VSTM5: variants seen among roughly 807,000 people sequenced by gnomAD.
VSTM5 encodes V-set and transmembrane domain-containing protein 5.
VSTM5 carries 21 observed loss-of-function variants against 20.3 expected under a neutral mutation model. The ratio of observed to expected loss-of-function variants is 1.03; its 90% CI spans 0.73 to 1.49. The LOEUF (loss-of-function observed/expected upper bound fraction) is 1.49. Among genes scored for constraint, VSTM5 ranks in the 40% most tolerant of loss-of-function variants. The pLI, the probability that VSTM5 is intolerant of heterozygous loss-of-function variation, is 0.00. For synonymous variants in VSTM5, 100 were observed against 102.5 expected (o/e 0.98, Z 0.14); for missense variants, 219 against 250.0 (o/e 0.88, Z 0.84).
At position 93,820,745 on chromosome 11, in the gene VSTM5, T is replaced by C. The variant is rs1944174359; in HGVS notation, c.557A>G (p.Lys186Arg). 4 of 1,551,716 alleles carry C rather than the reference T, an allele frequency of 2.6e-6. No homozygotes were observed. The South Asian group carries it at 3.6e-5, about 14-fold the overall frequency. The change falls in exon 3 of 4, where the codon AAA (lysine) becomes AGA (arginine). Residue 186 changes from lysine to arginine, a missense_variant and splice_region_variant. Lys to Arg is a conservative substitution (Grantham distance 26). Transcript: ENST00000409977. The part of the protein sequence containing the change: ...KFQRKRRHKL[K>R]ESTTEEIELE... ...TATCACAAGGCCCAGGGGGTTACCT[T>C]TGAGTTTGTGTCTTCTCTTCCTCTG... is the stretch of plus-strand genomic sequence containing the variant.
chr11:93,850,383 C>T, intron 1 of VSTM5, 29 bp downstream of exon 1: 1 of 1,543,946 alleles, frequency 6.5e-7, no homozygotes, highest in Non-Finnish European at 8.7e-7. Context: ...CCCGCTCCCC[C>T]AGCACCCGGG....
chr11:93,847,197 G>T (rs1326465600), intron 1 of VSTM5, among the ~76,000 whole-genome samples: 3 of 152,214 alleles, frequency 2.0e-5, no homozygotes, highest in Admixed American at 2.0e-4. Context: ...ATGTGTCTCT[G>T]TTTGATCAGG....
In VSTM5 at chr11:93,843,234, C is replaced by A. The variant is rs139884968; in HGVS notation, c.91+7178G>T. Reference sequence around the variant, plus strand: ...ATCATTTCCTCCAGGAAGCCTTCCCCAATCCCTAGCACCAGGTTAAGGGTC... The same window carrying A: ...ATCATTTCCTCCAGGAAGCCTTCCCAAATCCCTAGCACCAGGTTAAGGGTC... On this transcript the variant is annotated intron_variant, in intron 1 of 3. Coordinates refer to ENST00000409977, the MANE Select transcript of VSTM5 (RefSeq NM_001144871.2). 4.0e-3 allele frequency among the ~76,000 whole-genome samples: 614 copies of A among 152,280 alleles called. 5 individuals are homozygous for A. The highest frequency in any genetic ancestry group is 0.014 in the African/African-American group (590 of 41,550).
intron 1 of VSTM5, among the ~76,000 whole-genome samples, chr11:93,835,948 AAAG>A (rs140602832): frequency 0.016 from 2,395 of 152,314 alleles, 54 homozygotes; most frequent in African/African-American, 0.053. Flanking sequence ...AGCAAAAACT[AAAG>A]AAGCAAATTA....
intron 1 of VSTM5, among the ~76,000 whole-genome samples, chr11:93,846,269 G>A (rs1231146543): frequency 1.3e-5 from 2 of 152,146 alleles, no homozygotes; most frequent in Non-Finnish European, 2.9e-5. Context: ...TTAGGTCCTG[G>A]GGATAATGGA....
intron 1 of VSTM5, among the ~76,000 whole-genome samples, chr11:93,839,979 A>G (rs990105952): frequency 6.6e-6 from 1 of 152,150 alleles, no homozygotes; most frequent in Middle Eastern, 3.2e-3. Flanking sequence ...GAAGGCAGAG[A>G]TCAGAGGATG....
intron 1 of VSTM5, among the ~76,000 whole-genome samples, chr11:93,844,026 G>A (rs1046857307): frequency 1.3e-5 from 2 of 152,108 alleles, no homozygotes; most frequent in East Asian, 1.9e-4. Flanking sequence ...TTCCACTCAC[G>A]TTAGATGACT....
At chr11:93,839,947 G>A (rs772663767) in intron 1 of VSTM5, among the ~76,000 whole-genome samples, 4 of 152,164 alleles carry the variant, frequency 2.6e-5, no homozygotes, top group African/African-American at 4.8e-5. Context: ...ACATGCACGT[G>A]GAGTGAGTGC....
At chr11:93,825,360 G>T (rs1944223977) in intron 1 of VSTM5, among the ~76,000 whole-genome samples, 1 of 152,136 alleles carries the variant, frequency 6.6e-6, no homozygotes, top group Non-Finnish European at 1.5e-5. Flanking sequence ...TGTAGACACA[G>T]GTTTTCACCA....
intron 1 of VSTM5, among the ~76,000 whole-genome samples, chr11:93,826,245 A>T (rs1944237115): frequency 6.6e-6 from 1 of 152,094 alleles, no homozygotes; most frequent in Admixed American, 6.5e-5. Context: ...GTCTCTAAAA[A>T]ATTTAAAAAT....
At chr11:93,843,636 C>A (rs1944389237) in intron 1 of VSTM5, among the ~76,000 whole-genome samples, 1 of 152,150 alleles carries the variant, frequency 6.6e-6, no homozygotes, top group Admixed American at 6.5e-5. Context: ...TAAGCAGTCA[C>A]AGTTATTATT....
At chr11:93,820,674 A>C (rs1565298225) in intron 3 of VSTM5, 62 bp from the exon 4 acceptor site, 2 of 1,551,640 alleles carry the variant, frequency 1.3e-6, no homozygotes, top group East Asian at 2.4e-5. Flanking sequence ...TCTTCGTGAG[A>C]ACAAGATAAC....
Position 93,850,470 on chromosome 11 carries a change from G to T in VSTM5, c.33C>A (p.Thr11=), listed in dbSNP as rs1944450334. ...CGAAGAGTCCTAGGGAGATGCCTCG[G>T]GTCTTCCTCCTCCCGCTGGGCAGAG... MRPLPSGRRK[T]RGISLGLFAL... Residue 11 remains threonine, a synonymous_variant, in exon 1 of 4, where the codon ACC becomes ACA. Coordinates refer to ENST00000409977, the MANE Select transcript of VSTM5 (RefSeq NM_001144871.2). 1 of 1,549,858 alleles carries T rather than the reference G, an allele frequency of 6.5e-7. No homozygotes were observed. Among genetic ancestry groups the T allele is most frequent in the East Asian group, 2.4e-5 (1 of 40,848 alleles).
rs540092385 is a variant in VSTM5, at chr11:93,826,601, G to A, written c.92-5278C>T. Among the ~76,000 whole-genome samples, 8 of 151,804 alleles carry A rather than the reference G, an allele frequency of 5.3e-5. No homozygotes were observed. The East Asian group carries it at 5.9e-4, about 11-fold the overall frequency. On this transcript the variant is annotated intron_variant, in intron 1 of 3. Coordinates refer to ENST00000409977, the MANE Select transcript of VSTM5 (RefSeq NM_001144871.2). ...TTTTTAGTAGAGACGGGGTTTCACC[G>A]TGTTAGCCAGGATGGTCTCGATCTC...
intron 1 of VSTM5, among the ~76,000 whole-genome samples, chr11:93,839,028 C>G (rs1361751564): frequency 6.6e-6 from 1 of 152,224 alleles, no homozygotes; most frequent in Non-Finnish European, 1.5e-5. Flanking sequence ...ATTCAGCTGC[C>G]CAGCCAGCAA....
intron 1 of VSTM5, 28 bp downstream of exon 1, chr11:93,850,384 A>G: frequency 6.9e-7 from 1 of 1,450,704 alleles, no homozygotes; most frequent in East Asian, 2.9e-5. Context: ...CCGCTCCCCC[A>G]GCACCCGGGG....
At chr11:93,831,025 C>T (rs994298738) in intron 1 of VSTM5, among the ~76,000 whole-genome samples, 2 of 152,050 alleles carry the variant, frequency 1.3e-5, no homozygotes, top group Admixed American at 1.3e-4. Flanking sequence ...TCCCAAAGTA[C>T]TGAGATTACA....
At chr11:93,845,212 A>G (rs1431272238) in intron 1 of VSTM5, among the ~76,000 whole-genome samples, 1 of 152,226 alleles carries the variant, frequency 6.6e-6, no homozygotes, top group Non-Finnish European at 1.5e-5. Flanking sequence ...TAATTGGTCT[A>G]CAGCAGGATG....
intron 1 of VSTM5, among the ~76,000 whole-genome samples, chr11:93,836,347 G>T (rs11020529): frequency 0.035 from 5,381 of 152,234 alleles, 123 homozygotes; most frequent in African/African-American, 0.041. Context: ...CCCTTGTCTG[G>T]CTCTCCATTG....
Sources: allele counts gnomAD v4.1 joint callset (sites outside exome capture counted in the v4.1 genomes callset), GRCh38; gene constraint gnomAD v4.1.1; transcripts MANE v1.5; gene names NCBI Gene and HGNC (gene_info 2026-07-23, HGNC 2026-07-21).